GSDMD: variants seen among roughly 807,000 people sequenced by gnomAD.
GSDMD encodes gasdermin-D.
In GSDMD, 46 loss-of-function variants were observed where a neutral mutation model predicts 46.7. The observed-to-expected ratio is 0.99, with a 90% CI of 0.78 to 1.26. The LOEUF (loss-of-function observed/expected upper bound fraction) is 1.26. GSDMD is among the 50% of genes most tolerant of loss of function. The probability of loss-of-function intolerance (pLI) is 0.00; values close to 1 mark genes in which losing one functional copy is unlikely to be tolerated. For missense variants in GSDMD, 649 were observed against 638.8 expected (o/e 1.02, Z -0.17); for synonymous variants, 307 against 283.1 (o/e 1.08, Z -0.85).
In GSDMD at chr8:143,562,239, G is replaced by T. The variant is rs1414822923; in HGVS notation, c.1027G>T (p.Glu343Ter). 3 of 1,564,950 alleles carry T rather than the reference G, an allele frequency of 1.9e-6. No homozygotes were observed. The highest frequency in any genetic ancestry group is 2.6e-6 in the Non-Finnish European group (3 of 1,158,064). ...GCAGGGCCAGAGCCTTGGGCCGGTG[G>T]AGCCCCTGGACGGTCCAGCAGGTGC... ...LEQGQSLGPVEPLDGPAGAVL... is the reference protein window; with the variant it reads ...LEQGQSLGPV Residue 343 changes from glutamate (E) to a stop codon, truncating the protein, a stop_gained, in exon 9 of 11, where the codon GAG becomes TAG. Coordinates refer to ENST00000262580, the MANE Select transcript of GSDMD (RefSeq NM_024736.7). LOFTEE classifies it high-confidence loss of function.
Position 143,558,705 on chromosome 8 carries a change from G to A in GSDMD, c.-5+254G>A, listed in dbSNP as rs998621086. The A allele has an allele frequency of 9.8e-5, 57 of 581,618 alleles. No homozygotes were observed. In the African/African-American group the frequency reaches 1.0e-3, roughly 11 times the overall value. 36.0% of individuals were successfully genotyped at this position (581,618 alleles called of 1,614,324 possible). On this transcript the variant is annotated intron_variant, in intron 1 of 10. Transcript: ENST00000262580. The stretch of plus-strand genomic sequence containing the variant: ...AGGTTCCCGGGCCGGTGCTGTTCCC[G>A]CCCCCAGCTGCCTTCTGGGCCCAGC...
intron 1 of GSDMD, 52 bp from the exon 2 acceptor site, chr8:143,559,280 T>TGGCCCC: frequency 7.2e-5 from 42 of 579,420 alleles, no homozygotes; most frequent in East Asian, 9.5e-5. Flanking sequence ...CTTCTCCCAC[T>TGGCCCC]CCCTCCCGCC....
intron 1 of GSDMD, chr8:143,558,996 G>A (rs904430005): frequency 1.0e-5 from 4 of 399,312 alleles, no homozygotes; most frequent in Admixed American, 3.8e-5. Flanking sequence ...CCTGCACCAC[G>A]CTCAGGAGGT....
At position 143,562,369 on chromosome 8, in the gene GSDMD, C is replaced by T; in HGVS notation, c.1138+19C>T. 1 of 747,556 alleles carries T rather than the reference C, an allele frequency of 1.3e-6. No individual in the cohort carries two copies. 46.3% of individuals were successfully genotyped at this position (747,556 alleles called of 1,614,324 possible). On this transcript the variant is annotated intron_variant, in intron 9 of 10. Transcript: ENST00000262580. The stretch of plus-strand genomic sequence containing the variant: ...CTGACCAGTGAGCGGCCGCTGGGGG[C>T]AGGTGGCGGGTGGGAGGGAGGGAGG...
Position 143,562,941 on chromosome 8 carries a change from G to A in GSDMD, c.*37G>A. ...GCATGGCCTGGCAGCTCTCCAGCAG[G>A]GCAGAGTGTTTGCCCACCAGCTGCT... On this transcript the variant is annotated 3_prime_UTR_variant, in exon 11 of 11. Transcript: ENST00000262580. The A allele has an allele frequency of 6.2e-7, 1 of 1,609,772 alleles. No homozygotes were observed. The highest frequency in any genetic ancestry group is 1.1e-5 in the South Asian group (1 of 90,668).
chr8:143,553,844 C>A (rs1034567466), upstream of GSDMD: 2 of 147,060 alleles, frequency 1.4e-5, no homozygotes, highest in African/African-American at 4.9e-5. Flanking sequence ...GCCCCTCCTG[C>A]CCGCAGACGG....
chr8:143,561,343 C>T (rs755351885), intron 5 of GSDMD, 27 bp from the exon 6 acceptor site: 41 of 1,588,980 alleles, frequency 2.6e-5, no homozygotes, highest in Admixed American at 5.2e-5. Flanking sequence ...ACATGCCTGT[C>T]CCTGTCTGCT....
chr8:143,561,729 T>C lies in GSDMD; in HGVS notation c.737-13T>C. On this transcript the variant is annotated splice_polypyrimidine_tract_variant and intron_variant, in intron 6 of 10. Coordinates refer to ENST00000262580, the MANE Select transcript of GSDMD (RefSeq NM_024736.7). ...GGCACTGACCAGCCCTGCCCTCCCA[T>C]GCCCCTGCCCAGGCCACAAGCGTTC... The C allele has an allele frequency of 6.3e-7, 1 of 1,598,660 alleles. No individual in the cohort carries two copies. Among genetic ancestry groups the C allele is most frequent in the Non-Finnish European group, 8.5e-7 (1 of 1,172,928 alleles).
At chr8:143,558,475 C>T (rs761364711) in intron 1 of GSDMD, 24 bp downstream of exon 1, 21 of 1,461,924 alleles carry the variant, frequency 1.4e-5, no homozygotes, top group Non-Finnish European at 1.9e-5. Flanking sequence ...CGCCCCCTCC[C>T]CCGGCCTGGC....
upstream of GSDMD, chr8:143,554,993 CACA>C: frequency 6.6e-6 from 1 of 152,286 alleles, no homozygotes. Context: ...GCCTGGGGTA[CACA>C]GCAGTTCTGG....
upstream of GSDMD, among the ~76,000 whole-genome samples, chr8:143,554,514 T>C (rs1329101743): frequency 6.8e-6 from 1 of 147,388 alleles, no homozygotes; most frequent in East Asian, 2.0e-4. Context: ...AATACGCACG[T>C]GTGTGCTCAC....
In GSDMD at chr8:143,559,561, TGTG is replaced by T. The variant is rs1823399421; in HGVS notation, c.217+13_217+15del. The T allele has an allele frequency of 6.2e-7, 1 of 1,610,298 alleles. No individual in the cohort carries two copies. The highest frequency in any genetic ancestry group is 8.5e-7 in the Non-Finnish European group (1 of 1,178,344). On this transcript the variant is annotated intron_variant, in intron 2 of 10. Transcript: ENST00000262580. Reference sequence around the variant, plus strand: ...GGATGCCGCGGAACCAGGTGCCTGATGTGGTGCTGAGGCAGAGCCCCAGGGAGG... The same window carrying T: ...GGATGCCGCGGAACCAGGTGCCTGATGTGCTGAGGCAGAGCCCCAGGGAGG...
At chr8:143,561,714 A>G in intron 6 of GSDMD, 28 bp from the exon 7 acceptor site, 1 of 1,572,482 alleles carries the variant, frequency 6.4e-7, no homozygotes, top group Non-Finnish European at 8.7e-7. Flanking sequence ...GGCACTGACC[A>G]GCCCTGCCCT....
chr8:143,561,527 C>A, intron 6 of GSDMD, 104 bp downstream of exon 6: 2 of 1,234,530 alleles, frequency 1.6e-6, no homozygotes, highest in Non-Finnish European at 2.3e-6. Flanking sequence ...GGAGGCCGGG[C>A]AGCCCCCTGA....
At chr8:143,561,660 C>T in intron 6 of GSDMD, 82 bp from the exon 7 acceptor site, 1 of 1,212,240 alleles carries the variant, frequency 8.2e-7, no homozygotes. Flanking sequence ...GCTGTGACGG[C>T]CTGGGGAAGG....
At chr8:143,560,801 C>T (rs1471252165) in intron 4 of GSDMD, 30 bp downstream of exon 4, 3 of 1,495,746 alleles carry the variant, frequency 2.0e-6, no homozygotes, top group Non-Finnish European at 1.8e-6. Flanking sequence ...CCACGCCTGG[C>T]CCCCCACGTG....
In GSDMD at chr8:143,560,520, C is replaced by T. The variant is rs962250799; in HGVS notation, c.411-83C>T. ...CTGGAGGGCCCCTCTGCACCACCTC[C>T]CCCGGTGGCGTGGGGCTGTCAGGGG... On this transcript the variant is annotated intron_variant, in intron 3 of 10. Transcript: ENST00000262580. 4.2e-6 allele frequency: 6 copies of T among 1,433,116 alleles called. No individual in the cohort carries two copies. In the East Asian group the frequency reaches 7.5e-5, roughly 18 times the overall value. 88.8% of individuals were successfully genotyped at this position (1,433,116 alleles called of 1,614,324 possible). A position where few individuals can be genotyped will look rare whatever the true frequency, so the allele number is the denominator to read the frequency against.
intron 1 of GSDMD, 150 bp downstream of exon 1, chr8:143,558,601 C>T (rs1381221870): frequency 8.6e-6 from 7 of 809,560 alleles, no homozygotes; most frequent in Admixed American, 3.7e-5. Flanking sequence ...CTCCAGGCTT[C>T]GGGAAAGGCT....
In GSDMD at chr8:143,561,391, A is replaced by C. The variant is rs1388938110; in HGVS notation, c.704A>C (p.Lys235Thr). The change falls in exon 6 of 11, where the codon AAG (lysine) becomes ACG (threonine). Residue 235 changes from lysine to threonine, a missense_variant. Physicochemically the swap from Lys to Thr is moderately conservative, Grantham distance 78. Transcript: ENST00000262580. The part of the protein sequence containing the change: ...SDLDVLLFPD[K>T]KQRTFQPPAT... Reference sequence around the variant, plus strand: ...CCAGACGTCCTTCTCTTCCCGGATAAGAAGCAGAGGACCTTCCAGCCACCC... The same window carrying C: ...CCAGACGTCCTTCTCTTCCCGGATACGAAGCAGAGGACCTTCCAGCCACCC... 3 of 1,611,036 alleles carry C rather than the reference A, an allele frequency of 1.9e-6. No individual in the cohort carries two copies. Among genetic ancestry groups the C allele is most frequent in the African/African-American group, 1.3e-5 (1 of 74,830 alleles).
Sources: gnomAD v4.1 joint callset for allele counts (sites outside exome capture counted in the v4.1 genomes callset) on GRCh38, gnomAD v4.1.1 for gene constraint, MANE v1.5 for transcripts, NCBI Gene and HGNC (gene_info 2026-07-23, HGNC 2026-07-21) for gene names.